The following GNAQ variants were observed in gnomAD, a reference collection of about 807,000 sequenced individuals.
GNAQ encodes the protein G protein subunit alpha q, also known as guanine nucleotide-binding protein G(q) subunit alpha.
A neutral mutation model predicts 43.9 loss-of-function variants in GNAQ; 8 were observed. The ratio of observed to expected loss-of-function variants is 0.18; its 90% CI spans 0.11 to 0.33. The LOEUF is 0.33. GNAQ is among the 10% of genes least tolerant of loss of function. The pLI is 1.00. For synonymous variants in GNAQ, 155 were observed against 170.7 expected (o/e 0.91, Z 0.71); for missense variants, 158 against 450.8 (o/e 0.35, Z 5.88).
At chr9:77,967,548 A>G (rs2118443970) in intron 1 of GNAQ, among the ~76,000 whole-genome samples, 1 of 152,310 alleles carries the variant, frequency 6.6e-6, no homozygotes. Context: ...TATCATGGTG[A>G]CTCAAGGAAG....
In GNAQ at chr9:78,001,682, G is replaced by A. The variant is rs1036310523; in HGVS notation, c.136+29418C>T. Reference sequence around the variant, plus strand: ...TTGGAATCTCAGATCAGAGGAGAAGGAACATTTACTGAGACCCTCTCATGA... The same window carrying A: ...TTGGAATCTCAGATCAGAGGAGAAGAAACATTTACTGAGACCCTCTCATGA... On this transcript the variant is annotated intron_variant, in intron 1 of 6. Coordinates refer to ENST00000286548, the MANE Select transcript of GNAQ (RefSeq NM_002072.5). Among the ~76,000 whole-genome samples, 5 of 151,870 alleles carry A rather than the reference G, an allele frequency of 3.3e-5. No individual in the cohort carries two copies. The South Asian group carries it at 1.0e-3, about 32-fold the overall frequency.
intron 5 of GNAQ, among the ~76,000 whole-genome samples, chr9:77,769,954 C>T (rs917678083): frequency 2.6e-5 from 4 of 152,106 alleles, no homozygotes; most frequent in African/African-American, 9.7e-5. Flanking sequence ...ACGTGAGCCA[C>T]CGCGCCTGGC....
At chr9:77,739,209 TG>T (rs534996542) in intron 5 of GNAQ, among the ~76,000 whole-genome samples, 115 of 152,328 alleles carry the variant, frequency 7.5e-4, no homozygotes, top group Admixed American at 1.5e-3. Flanking sequence ...ACATGTGGCA[TG>T]AAATGACACA....
At chr9:77,790,817 C>T (rs1826556961) in intron 5 of GNAQ, among the ~76,000 whole-genome samples, 1 of 152,198 alleles carries the variant, frequency 6.6e-6, no homozygotes, top group Non-Finnish European at 1.5e-5. Context: ...CTCTTCATTC[C>T]TGTAACCTCA....
chr9:77,835,533 A>G (rs1170612405), intron 2 of GNAQ, among the ~76,000 whole-genome samples: 1 of 152,230 alleles, frequency 6.6e-6, no homozygotes, highest in African/African-American at 2.4e-5. Context: ...GCAGCATAAA[A>G]TCATATATGT....
chr9:77,799,371 T>C (rs1478887590), intron 3 of GNAQ, among the ~76,000 whole-genome samples: 1 of 152,164 alleles, frequency 6.6e-6, no homozygotes, highest in Non-Finnish European at 1.5e-5. Context: ...AATTGAACAA[T>C]AACAAATACT....
intron 5 of GNAQ, among the ~76,000 whole-genome samples, chr9:77,773,935 C>T (rs1826266734): frequency 6.6e-6 from 1 of 151,844 alleles, no homozygotes; most frequent in South Asian, 2.1e-4. Flanking sequence ...AAAGCCACAG[C>T]AAATGATTTA....
chr9:77,799,531 T>C (rs774636529), intron 3 of GNAQ, among the ~76,000 whole-genome samples: 18 of 152,308 alleles, frequency 1.2e-4, no homozygotes, highest in Non-Finnish European at 2.5e-4. Context: ...AGTTTTAGCA[T>C]TATTTAAATA....
chr9:77,860,312 C>T (rs1195760156), intron 2 of GNAQ, among the ~76,000 whole-genome samples: 1 of 152,076 alleles, frequency 6.6e-6, no homozygotes, highest in Admixed American at 6.5e-5. Flanking sequence ...GACTAGTTTC[C>T]CTGCTAGACA....
chr9:77,945,818 C>A (rs1158919952), intron 1 of GNAQ, among the ~76,000 whole-genome samples: 1 of 152,140 alleles, frequency 6.6e-6, no homozygotes, highest in African/African-American at 2.4e-5. Context: ...ATCCAAGGGA[C>A]CCTTAGAGGC....
intron 2 of GNAQ, among the ~76,000 whole-genome samples, chr9:77,892,378 T>C (rs1828420121): frequency 6.6e-6 from 1 of 152,220 alleles, no homozygotes; most frequent in South Asian, 2.1e-4. Context: ...CCACTGCAAC[T>C]GATTATCAAA....
intron 1 of GNAQ, among the ~76,000 whole-genome samples, chr9:77,930,241 TGA>T (rs1829130114): frequency 6.6e-6 from 1 of 152,178 alleles, no homozygotes; most frequent in African/African-American, 2.4e-5. Context: ...CCTACAAATT[TGA>T]GAGACTGAAC....
chr9:77,899,490 G>A (rs531392675), intron 2 of GNAQ, among the ~76,000 whole-genome samples: 1 of 151,636 alleles, frequency 6.6e-6, no homozygotes, highest in African/African-American at 2.4e-5. Flanking sequence ...GGATATAAGA[G>A]TGAGTGGATA....
chr9:77,921,673 A>G (rs1828998840), intron 2 of GNAQ, among the ~76,000 whole-genome samples: 2 of 152,228 alleles, frequency 1.3e-5, no homozygotes, highest in African/African-American at 2.4e-5. Flanking sequence ...AGATGGACCT[A>G]TTTTGAAATC....
At chr9:77,802,944 A>G (rs1304091487) in intron 3 of GNAQ, among the ~76,000 whole-genome samples, 1 of 151,772 alleles carries the variant, frequency 6.6e-6, no homozygotes, top group East Asian at 1.9e-4. Flanking sequence ...AAAAAAAGAA[A>G]CCCCGAGCTC....
chr9:77,977,980 G>A (rs952254638), intron 1 of GNAQ, among the ~76,000 whole-genome samples: 9 of 152,294 alleles, frequency 5.9e-5, no homozygotes, highest in East Asian at 1.9e-4. Context: ...CATAGTATGC[G>A]TGGAAAATTA....
rs539379703 is a variant in GNAQ, at chr9:77,769,664, CT to C, written c.735+24798del. Among the ~76,000 whole-genome samples the C allele has an allele frequency of 2.0e-3, 258 of 129,090 alleles. 1 individual carries two copies. The highest frequency in any genetic ancestry group is 3.4e-3 in the South Asian group (13 of 3,864). 84.7% of individuals were successfully genotyped at this position (129,090 alleles called of 152,430 possible). ...TCTTTAGTAGAAAAAGACAAGAACT[CT>C]TTTTTTTTTTTTTTTTTGGGATGGA... On this transcript the variant is annotated intron_variant, in intron 5 of 6. Coordinates refer to ENST00000286548, the MANE Select transcript of GNAQ (RefSeq NM_002072.5).
intron 6 of GNAQ, among the ~76,000 whole-genome samples, chr9:77,723,561 A>G (rs1414327080): frequency 6.6e-6 from 1 of 152,246 alleles, no homozygotes; most frequent in African/African-American, 2.4e-5. Flanking sequence ...AAACCAAACC[A>G]AACAGAATAT....
chr9:77,728,944 C>G (rs1825442641), intron 5 of GNAQ, among the ~76,000 whole-genome samples: 1 of 152,102 alleles, frequency 6.6e-6, no homozygotes, highest in African/African-American at 2.4e-5. Flanking sequence ...AATTGAAAGC[C>G]TAGAGAATCA....
Sources: gnomAD v4.1 joint callset for allele counts (sites outside exome capture counted in the v4.1 genomes callset) on GRCh38, gnomAD v4.1.1 for gene constraint, MANE v1.5 for transcripts, NCBI Gene and HGNC (gene_info 2026-07-23, HGNC 2026-07-21) for gene names.